Variants in LRRC4C observed in about 807,000 individuals in gnomAD.
The protein encoded by LRRC4C is leucine rich repeat containing 4C.
In LRRC4C, 5 loss-of-function variants were observed where a neutral mutation model predicts 33.6. The observed-to-expected ratio is 0.15, with a 90% CI of 0.08 to 0.31. The LOEUF is 0.31. Ranked by LOEUF, LRRC4C falls within the 10% of genes least tolerant of loss-of-function variation. The pLI is 1.00. For synonymous variants in LRRC4C, 329 were observed against 302.0 expected, an observed-to-expected ratio of 1.09 and a Z score of -0.93; for missense variants, 560 against 796.7, an observed-to-expected ratio of 0.70 and a Z score of 3.58.
At chr11:40,988,914 G>T (rs1168052438) in intron 1 of LRRC4C, among the ~76,000 whole-genome samples, 1 of 151,676 alleles carries the variant, frequency 6.6e-6, no homozygotes, top group African/African-American at 2.4e-5. Flanking sequence ...TAGAGACGGG[G>T]TTTCACCGTG....
chr11:41,060,053 G>C (rs558428282), intron 1 of LRRC4C, among the ~76,000 whole-genome samples: 7 of 152,220 alleles, frequency 4.6e-5, no homozygotes, highest in African/African-American at 1.4e-4. Flanking sequence ...ACTGAGTGTA[G>C]CAAATAAGAA....
intron 1 of LRRC4C, among the ~76,000 whole-genome samples, chr11:41,033,381 G>A (rs954858470): frequency 7.2e-5 from 8 of 111,016 alleles, no homozygotes; most frequent in African/African-American, 2.5e-4. Flanking sequence ...AATAAGGAAG[G>A]AATCAGAACA....
intron 2 of LRRC4C, among the ~76,000 whole-genome samples, chr11:40,879,240 G>A (rs1028483585): frequency 1.3e-5 from 2 of 152,020 alleles, no homozygotes; most frequent in Non-Finnish European, 2.9e-5. Context: ...AAATCTTAAG[G>A]GAAAAAAATC....
chr11:40,577,546 G>C (rs1958244522), intron 3 of LRRC4C, among the ~76,000 whole-genome samples: 1 of 152,170 alleles, frequency 6.6e-6, no homozygotes, highest in African/African-American at 2.4e-5. Context: ...CAGAGGAAAA[G>C]GGGTGGCTTT....
chr11:41,214,166 C>T (rs751513505), intron 1 of LRRC4C, among the ~76,000 whole-genome samples: 1 of 152,130 alleles, frequency 6.6e-6, no homozygotes, highest in African/African-American at 2.4e-5. Flanking sequence ...AGCCACACTT[C>T]CCTCCAAATA....
Position 41,242,939 on chromosome 11 carries a change from C to T in LRRC4C, c.-496+216492G>A, listed in dbSNP as rs201146467. Among the ~76,000 whole-genome samples the T allele has an allele frequency of 5.9e-3, 901 of 152,212 alleles. 8 individuals carry two copies. Among genetic ancestry groups the T allele is most frequent in the African/African-American group, 0.02 (834 of 41,556 alleles). ...CACACAGCTAATTAACTTGGTTTTT[C>T]TTAAAAGCAATACTGAGTGAGTTCA... On this transcript the variant is annotated intron_variant, in intron 1 of 6. Transcript: ENST00000528697.
rs530647879 is a variant in LRRC4C at position 41,421,286 on chromosome 11, T to C, written c.-496+38145A>G. ...TGTCTTCTATATTTGGAGATATTTC[T>C]ACAGCTGTACTACTTACCCCTCTGA... On this transcript the variant is annotated intron_variant, in intron 1 of 6. Coordinates refer to ENST00000528697, the MANE Select transcript of LRRC4C (RefSeq NM_001258419.2). Among the ~76,000 whole-genome samples, 83 of 152,190 alleles carry C rather than the reference T, an allele frequency of 5.5e-4. 1 individual carries two copies. Among genetic ancestry groups the C allele is most frequent in the Non-Finnish European group, 9.6e-4 (65 of 67,968 alleles).
intron 5 of LRRC4C, among the ~76,000 whole-genome samples, chr11:40,225,082 A>G (rs1286272114): frequency 6.6e-6 from 1 of 152,234 alleles, no homozygotes; most frequent in East Asian, 1.9e-4. Flanking sequence ...ATGAATACCT[A>G]TAAGCTGCCT....
intron 1 of LRRC4C, among the ~76,000 whole-genome samples, chr11:41,431,872 T>C (rs758991523): frequency 6.6e-6 from 1 of 152,158 alleles, no homozygotes; most frequent in Non-Finnish European, 1.5e-5. Context: ...ATGGCCCACC[T>C]TAGGTTTTTG....
At chr11:41,304,846 C>T (rs1364697238) in intron 1 of LRRC4C, among the ~76,000 whole-genome samples, 8 of 106,728 alleles carry the variant, frequency 7.5e-5, no homozygotes, top group East Asian at 3.2e-4. Flanking sequence ...CCCGGCCAGC[C>T]GCCCCATCCG....
intron 1 of LRRC4C, among the ~76,000 whole-genome samples, chr11:41,393,794 G>A (rs1487475602): frequency 6.6e-6 from 1 of 151,868 alleles, no homozygotes; most frequent in Non-Finnish European, 1.5e-5. Flanking sequence ...GGAAATACTG[G>A]ATCACATATT....
chr11:41,266,310 C>T (rs1365931641), intron 1 of LRRC4C, among the ~76,000 whole-genome samples: 1 of 152,066 alleles, frequency 6.6e-6, no homozygotes, highest in African/African-American at 2.4e-5. Context: ...CTATGCAGGA[C>T]CTCATTGCAA....
intron 1 of LRRC4C, among the ~76,000 whole-genome samples, chr11:41,006,952 C>G (rs114828665): frequency 6.6e-6 from 1 of 151,790 alleles, no homozygotes; most frequent in African/African-American, 2.4e-5. Flanking sequence ...AAGGTAGAAA[C>G]GAAAGCATAT....
intron 3 of LRRC4C, among the ~76,000 whole-genome samples, chr11:40,508,352 C>CA (rs1472767347): frequency 3.3e-5 from 5 of 151,814 alleles, no homozygotes; most frequent in Non-Finnish European, 7.4e-5. Flanking sequence ...ATATAAAACA[C>CA]AAAAAACAGA....
intron 1 of LRRC4C, among the ~76,000 whole-genome samples, chr11:41,023,136 C>T (rs543110313): frequency 6.6e-6 from 1 of 151,834 alleles, no homozygotes; most frequent in African/African-American, 2.4e-5. Context: ...TTAGGAAACC[C>T]AATGTCAAGC....
At chr11:41,223,116 G>T (rs935827434) in intron 1 of LRRC4C, 2 of 152,106 alleles carry the variant, frequency 1.3e-5, no homozygotes, top group African/African-American at 4.8e-5. Flanking sequence ...TTTAATTCAA[G>T]GGGATTTTTC....
At chr11:40,676,759 G>A (rs1431042295) in intron 2 of LRRC4C, among the ~76,000 whole-genome samples, 1 of 152,100 alleles carries the variant, frequency 6.6e-6, no homozygotes. Flanking sequence ...ACTTGCACAT[G>A]GGATGGGCTA....
chr11:40,313,856 G>C (rs925166430), intron 4 of LRRC4C, among the ~76,000 whole-genome samples: 2 of 151,656 alleles, frequency 1.3e-5, no homozygotes, highest in Admixed American at 6.6e-5. Flanking sequence ...CTCGTGATCC[G>C]CCTGCCTCGG....
At chr11:40,801,306 G>GC (rs1951032643) in intron 2 of LRRC4C, among the ~76,000 whole-genome samples, 1 of 152,042 alleles carries the variant, frequency 6.6e-6, no homozygotes, top group African/African-American at 2.4e-5. Context: ...CAGCTGGTGT[G>GC]CCCTTCCTCA....
Sources: allele counts gnomAD v4.1 joint callset (sites outside exome capture counted in the v4.1 genomes callset), GRCh38; gene constraint gnomAD v4.1.1; transcripts MANE v1.5; gene names NCBI Gene and HGNC (gene_info 2026-07-23, HGNC 2026-07-21).